Variants in ME2 observed in about 807,000 individuals in gnomAD.
ME2 encodes NAD-dependent malic enzyme, mitochondrial.
ME2 carries 60 observed loss-of-function variants against 73.7 expected under a neutral mutation model. The ratio of observed to expected loss-of-function variants is 0.81; its 90% CI spans 0.66 to 1.01. The LOEUF is 1.01. ME2 is among the 50% of genes least tolerant of loss of function. The pLI, the probability that ME2 is intolerant of heterozygous loss-of-function variation, is 0.00. For synonymous variants in ME2, 199 were observed against 236.9 expected, an observed-to-expected ratio of 0.84 and a Z score of 1.47; for missense variants, 594 against 705.5, an observed-to-expected ratio of 0.84 and a Z score of 1.79.
Position 50,947,286 on chromosome 18 carries a change from C to T in ME2, c.*102C>T. The stretch of plus-strand genomic sequence containing the variant: ...TTTATGGTGTTTTCTGTGTTTTGTT[C>T]TCCCTGACCACTTTGGTTGATGTAT... On this transcript the variant is annotated 3_prime_UTR_variant, in exon 16 of 16. Transcript: ENST00000321341. 1.6e-6 allele frequency: 2 copies of T among 1,220,048 alleles called. No homozygotes were observed. Among genetic ancestry groups the T allele is most frequent in the East Asian group, 2.4e-5 (1 of 42,482 alleles). 75.6% of individuals were successfully genotyped at this position (1,220,048 alleles called of 1,614,324 possible).
chr18:50,914,309 C>T (rs900517150), intron 4 of ME2, among the ~76,000 whole-genome samples: 1 of 152,126 alleles, frequency 6.6e-6, no homozygotes, highest in Non-Finnish European at 1.5e-5. Context: ...TTTATAGTTT[C>T]TTATTAGAAT....
chr18:50,896,200 T>C (rs1916740569), intron 2 of ME2, among the ~76,000 whole-genome samples: 1 of 152,198 alleles, frequency 6.6e-6, no homozygotes, highest in Non-Finnish European at 1.5e-5. Flanking sequence ...AATCCCAGAA[T>C]AGTGCTTTGG....
intron 1 of ME2, among the ~76,000 whole-genome samples, chr18:50,887,372 A>C (rs1372544056): frequency 1.3e-5 from 2 of 152,218 alleles, no homozygotes; most frequent in East Asian, 3.8e-4. Context: ...ATGGGTAGAC[A>C]GGGAACAAAC....
At chr18:50,917,992 T>C (rs906189827) in intron 6 of ME2, 118 bp from the exon 7 acceptor site, 2 of 569,572 alleles carry the variant, frequency 3.5e-6, no homozygotes, top group South Asian at 6.8e-5. Context: ...ATAAAGTTTC[T>C]TGTAGGGCAA....
At chr18:50,924,022 C>A in intron 10 of ME2, 76 bp from the exon 11 acceptor site, 2 of 889,526 alleles carry the variant, frequency 2.2e-6, no homozygotes, top group South Asian at 1.6e-5. Context: ...CAATGTGTAA[C>A]TCATAATGAT....
chr18:50,915,713 A>C (rs1379830384), intron 4 of ME2: 1 of 152,410 alleles, frequency 6.6e-6, no homozygotes, highest in Non-Finnish European at 1.5e-5. Context: ...CTTTTTCCTG[A>C]TGCTTCAGGT....
intron 2 of ME2, among the ~76,000 whole-genome samples, chr18:50,896,249 C>G (rs1489293295): frequency 6.6e-6 from 1 of 152,182 alleles, no homozygotes; most frequent in Non-Finnish European, 1.5e-5. Context: ...TTACATTTCC[C>G]CAGCTCATAT....
At chr18:50,885,337 A>G (rs1412230215) in intron 1 of ME2, among the ~76,000 whole-genome samples, 2 of 152,158 alleles carry the variant, frequency 1.3e-5, no homozygotes, top group Non-Finnish European at 2.9e-5. Context: ...CCTGGGCAAC[A>G]TAGCAAACGC....
intron 1 of ME2, among the ~76,000 whole-genome samples, chr18:50,889,530 T>C (rs1568158362): frequency 6.6e-6 from 1 of 152,178 alleles, no homozygotes; most frequent in African/African-American, 2.4e-5. Flanking sequence ...AAAGGGGGAT[T>C]TTTTGAAGAC....
chr18:50,894,592 C>G (rs754877728), intron 1 of ME2, among the ~76,000 whole-genome samples: 25 of 144,770 alleles, frequency 1.7e-4, no homozygotes, highest in African/African-American at 6.0e-4. Context: ...CTATTTTGGC[C>G]GGGAACGGTG....
At chr18:50,920,636 G>A (rs1338898182) in intron 8 of ME2, 25 bp from the exon 9 acceptor site, 2 of 1,579,754 alleles carry the variant, frequency 1.3e-6, no homozygotes, top group Admixed American at 4.0e-5. Flanking sequence ...TTTTTTATTT[G>A]TAAAAATCTT....
At chr18:50,888,607 T>C (rs151146459) in intron 1 of ME2, among the ~76,000 whole-genome samples, 3 of 152,232 alleles carry the variant, frequency 2.0e-5, no homozygotes, top group South Asian at 2.1e-4. Context: ...AACTAGGTGA[T>C]GTCTAAGACT....
chr18:50,901,110 C>G (rs79871747), intron 2 of ME2, among the ~76,000 whole-genome samples: 1 of 152,072 alleles, frequency 6.6e-6, no homozygotes, highest in Non-Finnish European at 1.5e-5. Context: ...TATAATTTGC[C>G]CTTTTAGTGC....
intron 3 of ME2, among the ~76,000 whole-genome samples, chr18:50,910,560 T>C (rs181978984): frequency 5.8e-4 from 89 of 152,302 alleles, no homozygotes; most frequent in Non-Finnish European, 1.1e-3. Context: ...AGCAATGTTA[T>C]TTTTCCATAG....
At chr18:50,923,372 ATTCATAAGTTTGTTCAG>A (rs1302662240) in intron 10 of ME2, among the ~76,000 whole-genome samples, 1 of 152,212 alleles carries the variant, frequency 6.6e-6, no homozygotes, top group Non-Finnish European at 1.5e-5. Context: ...TGATGTGACT[ATTCATAAGTTTGTTCAG>A]TTGTGGAGTA....
chr18:50,936,327 G>C (rs1192163403), intron 13 of ME2, among the ~76,000 whole-genome samples: 1 of 152,036 alleles, frequency 6.6e-6, no homozygotes, highest in African/African-American at 2.4e-5. Context: ...CAAAAAACCG[G>C]GGATTCACCA....
At chr18:50,892,084 G>A (rs1008932414) in intron 1 of ME2, among the ~76,000 whole-genome samples, 7 of 151,914 alleles carry the variant, frequency 4.6e-5, no homozygotes, top group Admixed American at 1.3e-4. Context: ...GCCTCCCAAA[G>A]TGCTGGGATT....
At chr18:50,905,161 A>G (rs1216759317) in intron 2 of ME2, among the ~76,000 whole-genome samples, 1 of 151,900 alleles carries the variant, frequency 6.6e-6, no homozygotes, top group East Asian at 1.9e-4. Context: ...TAATTTTTGT[A>G]TTTTTAGTAG....
chr18:50,909,106 A>G (rs1375769119), intron 3 of ME2, among the ~76,000 whole-genome samples: 11 of 151,810 alleles, frequency 7.2e-5, no homozygotes, highest in Admixed American at 7.2e-4. Context: ...GGAGTGCACC[A>G]CCACACCCGG....
Sources: gnomAD v4.1 joint callset for allele counts (sites outside exome capture counted in the v4.1 genomes callset) on GRCh38, gnomAD v4.1.1 for gene constraint, MANE v1.5 for transcripts, NCBI Gene and HGNC (gene_info 2026-07-23, HGNC 2026-07-21) for gene names.